Variants in DPP6 observed in about 807,000 individuals in gnomAD.
DPP6 encodes the protein dipeptidyl peptidase like 6, also known as A-type potassium channel modulatory protein DPP6.
Under a neutral mutation model 122.6 loss-of-function variants are expected in DPP6, and 69 were observed. The observed-to-expected ratio is 0.56, with a 90% confidence interval of 0.46 to 0.69. The LOEUF (loss-of-function observed/expected upper bound fraction) is 0.69, where lower values mean the gene tolerates loss of function less well. DPP6 is among the 30% of genes least tolerant of loss of function. The pLI is 0.00. For missense variants in DPP6, 928 were observed against 1,116.9 expected, an observed-to-expected ratio of 0.83 and a Z score of 2.41; for synonymous variants, 418 against 433.1, an observed-to-expected ratio of 0.97 and a Z score of 0.43.
chr7:154,721,839 G>T (rs190902292), intron 7 of DPP6, among the ~76,000 whole-genome samples: 229 of 152,164 alleles, frequency 1.5e-3, no homozygotes, highest in Middle Eastern at 6.8e-3. Flanking sequence ...CTTTGAGTTG[G>T]TTGACTCACT....
At chr7:154,656,923 G>C (rs1586823477) in intron 6 of DPP6, among the ~76,000 whole-genome samples, 1 of 51,864 alleles carries the variant, frequency 1.9e-5, no homozygotes. Flanking sequence ...GAGAGGATGC[G>C]TGGGAGGAGG....
chr7:154,496,026 C>T (rs992890304), intron 3 of DPP6, among the ~76,000 whole-genome samples: 4 of 152,228 alleles, frequency 2.6e-5, no homozygotes, highest in African/African-American at 9.6e-5. Flanking sequence ...ATACCTCATC[C>T]AGTCTACCTA....
chr7:154,076,667 A>T (rs1023799650), intron 1 of DPP6, among the ~76,000 whole-genome samples: 189 of 151,334 alleles, frequency 1.2e-3, no homozygotes, highest in Non-Finnish European at 1.3e-3. Context: ...TTGAGAGGAG[A>T]AAATGTGTGA....
At chr7:154,388,318 A>T (rs942290220) in intron 1 of DPP6, among the ~76,000 whole-genome samples, 4 of 152,318 alleles carry the variant, frequency 2.6e-5, no homozygotes, top group Admixed American at 6.5e-5. Flanking sequence ...TGAATGAGTT[A>T]TACTGCTAAA....
At chr7:154,879,305 GCGCGGTGGCTCACGCC>G (rs1584963571) in intron 20 of DPP6, among the ~76,000 whole-genome samples, 2 of 137,556 alleles carry the variant, frequency 1.5e-5, no homozygotes, top group East Asian at 6.5e-4. Flanking sequence ...AATCGGCCGG[GCGCGGTGGCTCACGCC>G]TGTAATCCCA....
chr7:153,876,926 T>C, the DPP6 span, among the ~76,000 whole-genome samples: 4 of 152,124 alleles, frequency 2.6e-5, no homozygotes, highest in East Asian at 7.8e-4. Context: ...AATTATGGCA[T>C]AAGAAATAAA....
the DPP6 span, among the ~76,000 whole-genome samples, chr7:153,807,828 C>T: frequency 1.1e-3 from 164 of 152,092 alleles, no homozygotes; most frequent in South Asian, 1.7e-3. Flanking sequence ...CCTTCCACGA[C>T]GAATCGATCT....
intron 23 of DPP6, among the ~76,000 whole-genome samples, chr7:154,888,579 C>A (rs961772378): frequency 6.6e-6 from 1 of 152,234 alleles, no homozygotes; most frequent in Non-Finnish European, 1.5e-5. Context: ...TGAGTCCAAC[C>A]AGGGAGTCAG....
chr7:154,872,021 G>A lies in DPP6; in HGVS notation c.1814-603G>A, dbSNP rs1490462221. On this transcript the variant is annotated intron_variant, in intron 18 of 25. Coordinates refer to ENST00000377770, the MANE Select transcript of DPP6 (RefSeq NM_130797.4). ...ACCTTGGTAGCCACGGGATCCAATG[G>A]GCTGTACCATCCTTCCCTGGCTTCC... Among the ~76,000 whole-genome samples the A allele has an allele frequency of 2.0e-5, 3 of 152,108 alleles. No individual in the cohort carries two copies. In the East Asian group the frequency reaches 5.8e-4, roughly 29 times the overall value.
In DPP6 at chr7:154,833,560, C is replaced by T. The variant is rs1187678591; in HGVS notation, c.1667-20220C>T. 6.6e-6 allele frequency among the ~76,000 whole-genome samples: 1 copy of T among 152,078 alleles called. No homozygotes were observed. Among genetic ancestry groups the T allele is most frequent in the Non-Finnish European group, 1.5e-5 (1 of 67,994 alleles). The stretch of plus-strand genomic sequence containing the variant: ...CTGTTGCTGGTAGACGGTGGTGATG[C>T]TGGAGGGGATGCTGACATTGATGCT... On this transcript the variant is annotated intron_variant, in intron 16 of 25. Transcript: ENST00000377770. The surrounding 1 kb of genome is among the most constrained non-coding windows in gnomAD (Gnocchi z 4.3).
chr7:154,202,663 G>A (rs777326964), intron 1 of DPP6, among the ~76,000 whole-genome samples: 3 of 152,208 alleles, frequency 2.0e-5, no homozygotes, highest in Non-Finnish European at 2.9e-5. Context: ...CTGTGAACCC[G>A]TCATCCCCTC....
intron 1 of DPP6, among the ~76,000 whole-genome samples, chr7:153,982,893 T>A (rs942158175): frequency 6.6e-6 from 1 of 152,178 alleles, no homozygotes; most frequent in Non-Finnish European, 1.5e-5. Context: ...ACAGCAAAGA[T>A]TGCTGCCTGC....
chr7:153,923,562 C>G lies in DPP6; in HGVS notation c.51+35828C>G, dbSNP rs1352001210. On this transcript the variant is annotated intron_variant, in intron 1 of 25. Coordinates refer to the DPP6 transcript ENST00000404039. ...AGATCATGAGGTCAGGAGATCGAGACCATCCTGGCTAATATGGTGAAACCT... is the reference window on the plus strand; with the variant it reads ...AGATCATGAGGTCAGGAGATCGAGAGCATCCTGGCTAATATGGTGAAACCT... Among the ~76,000 whole-genome samples, 4 of 152,056 alleles carry G rather than the reference C, an allele frequency of 2.6e-5. No homozygotes were observed. In the South Asian group the frequency reaches 8.3e-4, roughly 32 times the overall value.
intron 3 of DPP6, among the ~76,000 whole-genome samples, chr7:154,482,865 C>T (rs1403415286): frequency 6.6e-6 from 1 of 151,668 alleles, no homozygotes; most frequent in Non-Finnish European, 1.5e-5. Context: ...TCAAGGCTGA[C>T]TTGAGGATCT....
At chr7:154,221,684 A>C (rs1323169092) in intron 1 of DPP6, among the ~76,000 whole-genome samples, 1 of 152,218 alleles carries the variant, frequency 6.6e-6, no homozygotes, top group Non-Finnish European at 1.5e-5. Context: ...AAATGGTTAT[A>C]ATAATGACTT....
intron 1 of DPP6, among the ~76,000 whole-genome samples, chr7:154,017,359 A>T (rs1798471137): frequency 1.3e-5 from 2 of 152,164 alleles, no homozygotes; most frequent in South Asian, 4.1e-4. Flanking sequence ...GGGATTACAG[A>T]CTGAGCCACC....
At chr7:154,387,427 TG>T (rs1814215636) in intron 1 of DPP6, among the ~76,000 whole-genome samples, 1 of 152,150 alleles carries the variant, frequency 6.6e-6, no homozygotes, top group Non-Finnish European at 1.5e-5. Context: ...AGCCAAGTCT[TG>T]GGAGAATTCA....
At chr7:154,060,241 A>C in intron 1 of DPP6, among the ~76,000 whole-genome samples, 1 of 121,084 alleles carries the variant, frequency 8.3e-6, no homozygotes, top group African/African-American at 3.4e-5. Context: ...TAGGATCCCC[A>C]TCGCTGGGGG....
chr7:154,889,298 C>CTTGAAG lies in DPP6; in HGVS notation c.2331_2332insTTGAAG (p.Ser777_Ala778insLeuLys), dbSNP rs1806411836. The CTTGAAG allele has an allele frequency of 6.2e-7, 1 of 1,612,956 alleles. No individual in the cohort carries two copies. The highest frequency in any genetic ancestry group is 8.5e-7 in the Non-Finnish European group (1 of 1,179,704). ...TGACCAAGGTAGCCCATCGAGTCTC[C>CTTGAAG]GCGCTGGAAGAACAGCAGTTCCTGA... On this transcript the variant is annotated inframe_insertion, in exon 24 of 26. Transcript: ENST00000377770.
Sources: gnomAD v4.1 joint callset for allele counts (sites outside exome capture counted in the v4.1 genomes callset) on GRCh38, gnomAD v4.1.1 for gene constraint, Gnocchi (gnomAD v3.1) non-coding constraint, MANE v1.5 for transcripts, NCBI Gene and HGNC (gene_info 2026-07-23, HGNC 2026-07-21) for gene names.